The following TBC1D22A variants were observed in gnomAD, a reference collection of about 807,000 sequenced individuals.
TBC1D22A encodes TBC1 domain family member 22A.
TBC1D22A carries 38 observed loss-of-function variants against 60.2 expected under a neutral mutation model. The observed-to-expected ratio is 0.63, with a 90% CI of 0.49 to 0.83. The LOEUF (loss-of-function observed/expected upper bound fraction) is 0.83. TBC1D22A is among the 40% of genes least tolerant of loss of function. The probability of loss-of-function intolerance (pLI) is 0.00; values close to 1 mark genes in which losing one functional copy is unlikely to be tolerated. For missense variants in TBC1D22A, 628 were observed against 701.0 expected, an observed-to-expected ratio of 0.90 and a Z score of 1.18; for synonymous variants, 302 against 281.7, an observed-to-expected ratio of 1.07 and a Z score of -0.72.
chr22:46,947,400 C>T (rs1048024570), intron 8 of TBC1D22A, among the ~76,000 whole-genome samples: 2 of 152,144 alleles, frequency 1.3e-5, no homozygotes, highest in African/African-American at 4.8e-5. Flanking sequence ...AGTGACTTAG[C>T]GCTGCGCATT....
At chr22:47,041,862 C>T (rs1202049162) in intron 11 of TBC1D22A, among the ~76,000 whole-genome samples, 4 of 152,232 alleles carry the variant, frequency 2.6e-5, no homozygotes, top group Non-Finnish European at 4.4e-5. Flanking sequence ...ACGTGGACAG[C>T]GGGCGTGGCC....
rs1325759617 is a variant in TBC1D22A, at chr22:46,797,497, G to T, written c.514G>T (p.Ala172Ser). The change falls in exon 4 of 13, where the codon GCC becomes TCC. Residue 172 changes from alanine to serine, a missense_variant. Physicochemically the swap from Ala to Ser is moderately conservative, Grantham distance 99. Transcript: ENST00000337137. ...GAGGTCCCAGTCTCTCCCACACTCG[G>T]CCACCGTCACGCTGGGTGGCACATC... is the stretch of plus-strand genomic sequence containing the variant. The part of the protein sequence containing the change: ...LQRSQSLPHS[A>S]TVTLGGTSDP... 1.2e-6 allele frequency: 2 copies of T among 1,613,818 alleles called. No homozygotes were observed. Among genetic ancestry groups the T allele is most frequent in the Non-Finnish European group, 1.7e-6 (2 of 1,180,028 alleles).
intron 10 of TBC1D22A, among the ~76,000 whole-genome samples, chr22:47,020,428 A>T (rs2062047074): frequency 6.6e-6 from 1 of 152,132 alleles, no homozygotes; most frequent in African/African-American, 2.4e-5. Context: ...CTTACTGCAG[A>T]TGGGATGACT....
At chr22:47,036,983 G>A (rs1449935110) in intron 10 of TBC1D22A, 88 bp from the exon 11 acceptor site, 12 of 1,551,374 alleles carry the variant, frequency 7.7e-6, no homozygotes, top group South Asian at 2.3e-5. Flanking sequence ...TGAGGCGGGC[G>A]CAGGCCCTTG....
intron 10 of TBC1D22A, among the ~76,000 whole-genome samples, chr22:47,000,925 A>G (rs1345568359): frequency 6.6e-6 from 1 of 152,188 alleles, no homozygotes; most frequent in Non-Finnish European, 1.5e-5. Context: ...GAGTGAAGCT[A>G]GGACCTGGCT....
At chr22:47,158,308 A>G (rs1202574021) in intron 12 of TBC1D22A, among the ~76,000 whole-genome samples, 3 of 152,238 alleles carry the variant, frequency 2.0e-5, no homozygotes, top group African/African-American at 7.2e-5. Context: ...AAAGTGCTTA[A>G]GAAAGTCCCA....
At chr22:47,122,303 C>T (rs1042211692) in intron 12 of TBC1D22A, among the ~76,000 whole-genome samples, 4 of 152,188 alleles carry the variant, frequency 2.6e-5, no homozygotes, top group East Asian at 1.9e-4. Flanking sequence ...CGAGGTTTCC[C>T]GAACTGCCCT....
At chr22:46,960,346 C>T (rs561432561) in intron 8 of TBC1D22A, among the ~76,000 whole-genome samples, 1 of 152,172 alleles carries the variant, frequency 6.6e-6, no homozygotes, top group South Asian at 2.1e-4. Flanking sequence ...ACTGCAACCT[C>T]CGACTCCTGG....
chr22:46,879,421 C>A (rs867062169), intron 5 of TBC1D22A, among the ~76,000 whole-genome samples: 170 of 152,238 alleles, frequency 1.1e-3, no homozygotes, highest in African/African-American at 3.7e-3. Context: ...CTTCTCTTTT[C>A]CTTTTTCATT....
intron 11 of TBC1D22A, 23 bp from the exon 12 acceptor site, chr22:47,111,485 C>G: frequency 6.2e-7 from 1 of 1,606,798 alleles, no homozygotes; most frequent in Non-Finnish European, 8.5e-7. Context: ...CAATTTCTCT[C>G]TTGGTTATTT....
At chr22:46,996,471 GTGGTTCA>G (rs1412641161) in intron 9 of TBC1D22A, among the ~76,000 whole-genome samples, 1 of 152,254 alleles carries the variant, frequency 6.6e-6, no homozygotes, top group Non-Finnish European at 1.5e-5. Flanking sequence ...TTCTCCACGG[GTGGTTCA>G]TGGATTAGCA....
At chr22:47,029,110 G>A (rs577024345) in intron 10 of TBC1D22A, among the ~76,000 whole-genome samples, 1 of 152,070 alleles carries the variant, frequency 6.6e-6, no homozygotes, top group Non-Finnish European at 1.5e-5. Flanking sequence ...TACAGGTTAG[G>A]GGGACCAGCC....
At chr22:47,095,866 G>A (rs541193221) in intron 11 of TBC1D22A, among the ~76,000 whole-genome samples, 1 of 152,206 alleles carries the variant, frequency 6.6e-6, no homozygotes, top group African/African-American at 2.4e-5. Flanking sequence ...GACAGCAGAG[G>A]GGGCAGAACC....
intron 8 of TBC1D22A, among the ~76,000 whole-genome samples, chr22:46,949,148 C>T (rs146924890): frequency 4.2e-4 from 64 of 152,326 alleles, no homozygotes; most frequent in African/African-American, 1.5e-3. Context: ...GATTGTGTCG[C>T]ATTTTGCTTC....
chr22:47,035,392 TCCCTGGTGACTTCCTCCCAGGCTGGC>T (rs1384353376), intron 10 of TBC1D22A, among the ~76,000 whole-genome samples: 1 of 152,130 alleles, frequency 6.6e-6, no homozygotes, highest in Non-Finnish European at 1.5e-5. Flanking sequence ...CTGTCCAGCC[TCCCTGGTGACTTCCTCCCAGGCTGGC>T]CCCTGGGGCT....
chr22:46,797,331 T>G, intron 3 of TBC1D22A, 113 bp from the exon 4 acceptor site: 4 of 1,190,892 alleles, frequency 3.4e-6, no homozygotes, highest in Non-Finnish European at 4.8e-6. Flanking sequence ...CACTGCTGAG[T>G]GATGGGAAGA....
chr22:47,087,006 G>A (rs956998674), intron 11 of TBC1D22A, among the ~76,000 whole-genome samples: 1 of 152,230 alleles, frequency 6.6e-6, no homozygotes, highest in African/African-American at 2.4e-5. Context: ...CTGGAGTTCT[G>A]CACGGGGCTG....
At chr22:47,054,306 G>A (rs767051938) in intron 11 of TBC1D22A, among the ~76,000 whole-genome samples, 4 of 152,228 alleles carry the variant, frequency 2.6e-5, no homozygotes, top group Admixed American at 1.3e-4. Flanking sequence ...GCCACTGCTT[G>A]TGTTGGAAGA....
At chr22:46,947,398 A>T (rs956592388) in intron 8 of TBC1D22A, among the ~76,000 whole-genome samples, 1 of 152,164 alleles carries the variant, frequency 6.6e-6, no homozygotes, top group Non-Finnish European at 1.5e-5. Flanking sequence ...TCAGTGACTT[A>T]GCGCTGCGCA....
Sources: gnomAD v4.1 joint callset for allele counts (sites outside exome capture counted in the v4.1 genomes callset) on GRCh38, gnomAD v4.1.1 for gene constraint, MANE v1.5 for transcripts, NCBI Gene and HGNC (gene_info 2026-07-23, HGNC 2026-07-21) for gene names.